GBX2: variants seen among roughly 807,000 people sequenced by gnomAD.
The protein encoded by GBX2 is homeobox protein GBX-2.
GBX2 carries 5 observed loss-of-function variants against 22.4 expected under a neutral mutation model. That is an observed-to-expected ratio of 0.22 (90% CI 0.12 to 0.47). The LOEUF (loss-of-function observed/expected upper bound fraction) is 0.47. GBX2 is among the 20% of genes least tolerant of loss of function. The pLI, the probability that GBX2 is intolerant of heterozygous loss-of-function variation, is 0.99. For synonymous variants in GBX2, 220 were observed against 230.5 expected, an observed-to-expected ratio of 0.95 and a Z score of 0.41; for missense variants, 470 against 495.4, an observed-to-expected ratio of 0.95 and a Z score of 0.49.
rs545073704 is a variant in GBX2 at position 236,167,783 on chromosome 2, GGGCGGCGGC to G, written c.180_188del (p.Pro61_Pro63del). On this transcript the variant is annotated inframe_deletion, in exon 1 of 2. Coordinates refer to ENST00000306318, the MANE Select transcript of GBX2 (RefSeq NM_001485.4). ...GCTGCAGCGCGGCCTGGGGCAGCGC[GGGCGGCGGC>G]GGCGGCGGCGGCGGCAGCACTACCG... The G allele has an allele frequency of 1.6e-3, 2,188 of 1,407,016 alleles. 21 individuals carry two copies. The highest frequency in any genetic ancestry group is 3.0e-3 in the Admixed American group (100 of 32,906). 87.2% of individuals were successfully genotyped at this position (1,407,016 alleles called of 1,614,324 possible). A position where few individuals can be genotyped will look rare whatever the true frequency, so the allele number is the denominator to read the frequency against.
rs1362186557 is a variant in GBX2 at position 236,166,381 on chromosome 2, C to T, written c.580G>A (p.Gly194Ser). The T allele has an allele frequency of 1.9e-6, 3 of 1,614,040 alleles. No homozygotes were observed. Among genetic ancestry groups the T allele is most frequent in the South Asian group, 1.1e-5 (1 of 91,088 alleles). The change falls in exon 2 of 2, where the codon GGC (glycine) becomes AGC (serine). Residue 194 changes from glycine (G) to serine (S), a missense_variant. Around this residue, in one of 4 missense-constraint regions of GBX2, gnomAD observed 377 missense variants for 358.6 expected, o/e 1.05. Transcript: ENST00000306318. This position sits in a 1 kb window ranked among gnomAD's most constrained non-coding sequence, Gnocchi z 6.6. ...DESKVEDDPKGKEESFSLESD... is the reference protein window; with the variant it reads ...DESKVEDDPKSKEESFSLESD... ...TCCAGCGAGAAGCTCTCCTCCTTGC[C>T]CTTCGGGTCGTCTTCCACCTTTGAC... is the stretch of plus-strand genomic sequence containing the variant.
downstream of GBX2, among the ~76,000 whole-genome samples, chr2:236,161,613 C>T (rs960171223): frequency 1.3e-5 from 2 of 152,218 alleles, no homozygotes; most frequent in Admixed American, 6.5e-5. Flanking sequence ...CTGAGCACTG[C>T]GCTGAAGCTG....
Position 236,168,113 on chromosome 2 carries a change from T to A in GBX2, c.-142A>T. Reference sequence around the variant, plus strand: ...CCCGGAGAGCAGACGCCTCCGCCCCTCAGTCCTGGGCCCGCTGCATGCCGG... The same window carrying A: ...CCCGGAGAGCAGACGCCTCCGCCCCACAGTCCTGGGCCCGCTGCATGCCGG... On this transcript the variant is annotated 5_prime_UTR_variant, in exon 1 of 2. The change abolishes the stop of an existing upstream ORF in the 5' untranslated region. Coordinates refer to ENST00000306318, the MANE Select transcript of GBX2 (RefSeq NM_001485.4). The A allele has an allele frequency of 1.1e-6, 1 of 873,354 alleles. No individual in the cohort carries two copies. Among genetic ancestry groups the A allele is most frequent in the African/African-American group, 1.8e-5 (1 of 55,498 alleles). 54.1% of individuals were successfully genotyped at this position (873,354 alleles called of 1,614,324 possible).
rs2060234558 is a variant in GBX2 at position 236,165,709 on chromosome 2, ATATT to A, written c.*201_*204del. On this transcript the variant is annotated 3_prime_UTR_variant, in exon 2 of 2. Coordinates refer to ENST00000306318, the MANE Select transcript of GBX2 (RefSeq NM_001485.4). ...TGTACAAAGTAGGATAGTATAATAA[ATATT>A]TAGCGTGTCTTCTGGTGTGGCTGTA... is the stretch of plus-strand genomic sequence containing the variant. 1 of 580,024 alleles carries A rather than the reference ATATT, an allele frequency of 1.7e-6. No homozygotes were observed. The highest frequency in any genetic ancestry group is 3.0e-5 in the Admixed American group (1 of 33,054). The allele number at this position is 580,024 out of a possible 1,614,324, so 35.9% of individuals were successfully genotyped here. A position where few individuals can be genotyped will look rare whatever the true frequency, so the allele number is the denominator to read the frequency against.
rs374736896 is a variant in GBX2 at position 236,167,985 on chromosome 2, A to C, written c.-14T>G. 6.0e-5 allele frequency: 93 copies of C among 1,540,288 alleles called. No individual in the cohort carries two copies. In the African/African-American group the frequency reaches 1.1e-3, roughly 19 times the overall value. On this transcript the variant is annotated 5_prime_UTR_variant, in exon 1 of 2. Transcript: ENST00000306318. ...CGCTGCGCTCATAGACGCGCTCGGT[A>C]GAGGCCAGCGAGAGGCGAAAAGTCC...
chr2:236,167,059 A>G, intron 1 of GBX2: 1 of 1,289,866 alleles, frequency 7.8e-7, no homozygotes, highest in Non-Finnish European at 1.1e-6. Context: ...GAAGGGGTTT[A>G]AAAAGTCTGG....
rs376571505 is a variant in GBX2, at chr2:236,166,247, C to T, written c.714G>A (p.Ala238=). 1.9e-6 allele frequency: 3 copies of T among 1,613,414 alleles called. No homozygotes were observed. In the African/African-American group the frequency reaches 4.0e-5, roughly 22 times the overall value. ...TCTTGCCCGTAGACGTGGTGCTGCCCGCGGCGCCGCTGCTCGGCGGGGTCT... is the reference window on the plus strand; with the variant it reads ...TCTTGCCCGTAGACGTGGTGCTGCCTGCGGCGCCGCTGCTCGGCGGGGTCT... ...LEETPPSSGA[A]GSTTSTGKNR... The change falls in exon 2 of 2, where the codon GCG becomes GCA. Residue 238 remains alanine, a synonymous_variant. Coordinates refer to ENST00000306318, the MANE Select transcript of GBX2 (RefSeq NM_001485.4). This position sits in a 1 kb window ranked among gnomAD's most constrained non-coding sequence, Gnocchi z 6.6.
Position 236,166,773 on chromosome 2 carries a change from T to C in GBX2, c.524-336A>G, listed in dbSNP as rs1381620808. Among the ~76,000 whole-genome samples, 1 of 152,132 alleles carries C rather than the reference T, an allele frequency of 6.6e-6. No individual in the cohort carries two copies. The highest frequency in any genetic ancestry group is 2.4e-5 in the African/African-American group (1 of 41,444). The stretch of plus-strand genomic sequence containing the variant: ...GCGAGGCCCAAGAGATTGCCCGCTT[T>C]GTCCCTGGGGTGGGGACTGGTTGAG... On this transcript the variant is annotated intron_variant, in intron 1 of 1. Coordinates refer to ENST00000306318, the MANE Select transcript of GBX2 (RefSeq NM_001485.4). This position sits in a 1 kb window ranked among gnomAD's most constrained non-coding sequence, Gnocchi z 6.6.
At chr2:236,164,207 CCTT>C (rs1195777802), downstream of GBX2, among the ~76,000 whole-genome samples, 1 of 152,130 alleles carries the variant, frequency 6.6e-6, no homozygotes, top group East Asian at 1.9e-4. Context: ...CCGCGCTTCC[CCTT>C]CTTCGGCTGA....
rs377014976 is a variant in GBX2 at position 236,167,435 on chromosome 2, C to G, written c.523+14G>C. On this transcript the variant is annotated intron_variant, in intron 1 of 1. Transcript: ENST00000306318. ...CCCGCCCCCTCGTCCCGGCTGCGCG[C>G]GCCGCCGACTCACCGAGCGAAGCCT... 2 of 1,498,666 alleles carry G rather than the reference C, an allele frequency of 1.3e-6. No homozygotes were observed. The highest frequency in any genetic ancestry group is 4.6e-5 in the Admixed American group (2 of 43,430). 92.8% of individuals were successfully genotyped at this position (1,498,666 alleles called of 1,614,324 possible). A position where few individuals can be genotyped will look rare whatever the true frequency, so the allele number is the denominator to read the frequency against.
rs140196177 is a variant in GBX2 at position 236,168,152 on chromosome 2, G to A, written c.-181C>T. 0.051 allele frequency: 27,991 copies of A among 547,362 alleles called. 3,755 individuals carry two copies. The highest frequency in any genetic ancestry group is 0.38 in the African/African-American group (18,836 of 50,112). The allele number at this position is 547,362 out of a possible 1,614,324, so 33.9% of individuals were successfully genotyped here. On this transcript the variant is annotated 5_prime_UTR_variant, in exon 1 of 2. Transcript: ENST00000306318. The stretch of plus-strand genomic sequence containing the variant: ...GCTGCATGCCGGGCGGGTGCAGGGG[G>A]TGTGCGGGGTGAGGCCGTGCGCCCC...
rs942337946 is a variant in GBX2 at position 236,167,376 on chromosome 2, G to T, written c.523+73C>A. ...CGCGGCCTCGCCCCCTTGGTCTCCCGCGGGAACCCGGCGCTGGCCCGCCCC... is the reference window on the plus strand; with the variant it reads ...CGCGGCCTCGCCCCCTTGGTCTCCCTCGGGAACCCGGCGCTGGCCCGCCCC... On this transcript the variant is annotated intron_variant, in intron 1 of 1. Coordinates refer to ENST00000306318, the MANE Select transcript of GBX2 (RefSeq NM_001485.4). 2.2e-5 allele frequency: 31 copies of T among 1,406,106 alleles called. 2 individuals are homozygous for T. In the South Asian group the frequency reaches 4.8e-4, roughly 22 times the overall value. 87.1% of individuals were successfully genotyped at this position (1,406,106 alleles called of 1,614,324 possible). A position where few individuals can be genotyped will look rare whatever the true frequency, so the allele number is the denominator to read the frequency against.
At chr2:236,163,624 C>T (rs2060222620), downstream of GBX2, among the ~76,000 whole-genome samples, 1 of 152,208 alleles carries the variant, frequency 6.6e-6, no homozygotes, top group Admixed American at 6.5e-5. Context: ...GCAGGGCCGG[C>T]GGGGCAGAGG....
In GBX2 at chr2:236,167,787, G is replaced by T. The variant is rs2060250963; in HGVS notation, c.185C>A (p.Pro62Gln). 1 of 1,392,526 alleles carries T rather than the reference G, an allele frequency of 7.2e-7. No homozygotes were observed. Among genetic ancestry groups the T allele is most frequent in the Non-Finnish European group, 9.3e-7 (1 of 1,069,742 alleles). The allele number at this position is 1,392,526 out of a possible 1,614,324, so 86.3% of individuals were successfully genotyped here. ...PVVLPPPPPP[P>Q]PALPQAALQP... ...CAGCGCGGCCTGGGGCAGCGCGGGC[G>T]GCGGCGGCGGCGGCGGCGGCAGCAC... Residue 62 changes from proline (P) to glutamine (Q), a missense_variant, in exon 1 of 2, where the codon CCG becomes CAG. Transcript: ENST00000306318.
downstream of GBX2, among the ~76,000 whole-genome samples, chr2:236,164,535 C>T (rs2060227209): frequency 6.6e-6 from 1 of 152,136 alleles, no homozygotes; most frequent in African/African-American, 2.4e-5. Flanking sequence ...CTCCCCGTCC[C>T]TTGCAGACCG....
Position 236,165,915 on chromosome 2 carries a change from C to G in GBX2, c.1046G>C (p.Ter349SerextTer28). Residue 349 changes from the stop codon to serine (S), a stop_lost, in exon 2 of 2, where the codon TGA becomes TCA. Coordinates refer to ENST00000306318, the MANE Select transcript of GBX2 (RefSeq NM_001485.4). Reference protein sequence around the residue: ...QHQQLEQARP* With the variant: ...QHQQLEQARPS ...CCAGGCCCTGGCCCTTCTGGACCCT[C>G]AGGGCCGGGCCTGTTCTAGCTGCTG... 2 of 1,611,230 alleles carry G rather than the reference C, an allele frequency of 1.2e-6. No individual in the cohort carries two copies. Among genetic ancestry groups the G allele is most frequent in the Non-Finnish European group, 1.7e-6 (2 of 1,177,916 alleles).
rs1400915429 is a variant in GBX2 at position 236,165,590 on chromosome 2, G to C, written c.*324C>G. The C allele has an allele frequency of 8.1e-6, 2 of 245,752 alleles. No homozygotes were observed. Among genetic ancestry groups the C allele is most frequent in the Non-Finnish European group, 1.6e-5 (2 of 127,250 alleles). 15.2% of individuals were successfully genotyped at this position (245,752 alleles called of 1,614,324 possible). ...CCGCGCAGATTACAGCAGAGGTTTT[G>C]TTTTCTTCTGGAATGAGTGGAGAAA... On this transcript the variant is annotated 3_prime_UTR_variant, in exon 2 of 2. Transcript: ENST00000306318.
chr2:236,163,105 T>C (rs1028222165), downstream of GBX2, among the ~76,000 whole-genome samples: 6 of 152,214 alleles, frequency 3.9e-5, no homozygotes, highest in African/African-American at 1.4e-4. Flanking sequence ...TTTTTCTCTC[T>C]GCCTGTGATG....
At position 236,167,879 on chromosome 2, in the gene GBX2, C is replaced by T. The variant is rs777095126; in HGVS notation, c.93G>A (p.Pro31=). The T allele has an allele frequency of 1.3e-6, 2 of 1,549,764 alleles. No individual in the cohort carries two copies. The highest frequency in any genetic ancestry group is 2.7e-5 in the East Asian group (1 of 37,412). ...CGAAATGGCCGGGGCTGGGCTGCGG[C>T]GGGCTGCCGATCAGCGAGTCTATGC... ...AFSIDSLIGS[P]PQPSPGHFVY... The change falls in exon 1 of 2, where the codon CCG becomes CCA. Residue 31 remains proline (P), a synonymous_variant. Coordinates refer to ENST00000306318, the MANE Select transcript of GBX2 (RefSeq NM_001485.4).
Sources: gnomAD v4.1 joint callset for allele counts (sites outside exome capture counted in the v4.1 genomes callset) on GRCh38, gnomAD v4.1.1 for gene constraint, gnomAD v4.1.1 regional missense constraint, Gnocchi (gnomAD v3.1) non-coding constraint, MANE v1.5 for transcripts, NCBI Gene and HGNC (gene_info 2026-07-23, HGNC 2026-07-21) for gene names.